The following DPP10 variants were observed in gnomAD, a reference collection of about 807,000 sequenced individuals.
DPP10 encodes inactive dipeptidyl peptidase 10.
DPP10 carries 33 observed loss-of-function variants against 120.9 expected under a neutral mutation model. The observed-to-expected ratio is 0.27, with a 90% CI of 0.21 to 0.37. DPP10 has a LOEUF of 0.37. DPP10 is among the 10% of genes least tolerant of loss of function. The pLI is 1.00. For missense variants in DPP10, 816 were observed against 942.8 expected (o/e 0.87, Z 1.76); for synonymous variants, 337 against 326.1 (o/e 1.03, Z -0.36).
At chr2:115,572,807 T>C (rs1277235583) in intron 5 of DPP10, among the ~76,000 whole-genome samples, 1 of 152,182 alleles carries the variant, frequency 6.6e-6, no homozygotes. Flanking sequence ...ATTATTTTTT[T>C]AACAACCCAA....
intron 13 of DPP10, among the ~76,000 whole-genome samples, chr2:115,768,641 T>G (rs1199266324): frequency 6.6e-6 from 1 of 152,148 alleles, no homozygotes; most frequent in Admixed American, 6.6e-5. Flanking sequence ...TCCTATGAAC[T>G]GAGGGCTTTG....
intron 1 of DPP10, among the ~76,000 whole-genome samples, chr2:115,098,719 C>T (rs896335974): frequency 1.3e-5 from 2 of 152,070 alleles, no homozygotes; most frequent in African/African-American, 4.8e-5. Flanking sequence ...CCTGGAAAAA[C>T]ACAAAAAGGA....
chr2:115,757,358 T>C (rs1679550035), intron 11 of DPP10, among the ~76,000 whole-genome samples: 1 of 152,050 alleles, frequency 6.6e-6, no homozygotes, highest in African/African-American at 2.4e-5. Context: ...TAAGGTTTAT[T>C]AGACTTACAG....
intron 8 of DPP10, among the ~76,000 whole-genome samples, chr2:115,729,813 AGAAGAGAGAG>A (rs1318212185): frequency 5.9e-4 from 2 of 3,368 alleles, no homozygotes; most frequent in African/African-American, 1.4e-3. Context: ...AGAGAGAGAG[AGAAGAGAGAG>A]AGAGCATCTG....
chr2:115,309,218 C>G (rs1478685638), intron 1 of DPP10, 21 bp from the exon 2 acceptor site: 1 of 1,596,870 alleles, frequency 6.3e-7, no homozygotes, highest in Non-Finnish European at 8.6e-7. Flanking sequence ...AATTACAAAA[C>G]TTTTTTTTCT....
At chr2:114,504,779 C>T (rs970108315) in intron 1 of DPP10, among the ~76,000 whole-genome samples, 7 of 152,168 alleles carry the variant, frequency 4.6e-5, no homozygotes, top group African/African-American at 1.2e-4. Context: ...GGTGGCTGGG[C>T]GTGGTGGCTC....
chr2:115,591,400 A>G (rs757058010), intron 5 of DPP10, among the ~76,000 whole-genome samples: 85 of 152,312 alleles, frequency 5.6e-4, no homozygotes, highest in Non-Finnish European at 1.1e-3. Context: ...AGCACCATTT[A>G]TTAAATAGGG....
At chr2:114,921,604 T>C (rs1203482328) in intron 1 of DPP10, among the ~76,000 whole-genome samples, 2 of 152,216 alleles carry the variant, frequency 1.3e-5, no homozygotes, top group Non-Finnish European at 2.9e-5. Flanking sequence ...GTAGAGAATA[T>C]GTAGTTTTAT....
At chr2:115,349,194 T>G (rs1196356751) in intron 3 of DPP10, among the ~76,000 whole-genome samples, 5 of 152,112 alleles carry the variant, frequency 3.3e-5, no homozygotes, top group Non-Finnish European at 7.4e-5. Context: ...TGGACTCATG[T>G]TGGAAAAAAA....
At chr2:115,776,520 G>C (rs577880604) in intron 13 of DPP10, among the ~76,000 whole-genome samples, 1 of 152,022 alleles carries the variant, frequency 6.6e-6, no homozygotes, top group Non-Finnish European at 1.5e-5. Flanking sequence ...ATCATTGATG[G>C]GTATTTGGGT....
At chr2:115,462,040 C>G (rs1434028126) in intron 3 of DPP10, among the ~76,000 whole-genome samples, 1 of 152,084 alleles carries the variant, frequency 6.6e-6, no homozygotes, top group Non-Finnish European at 1.5e-5. Flanking sequence ...TTACTATTTT[C>G]TTCTAAAGAA....
intron 1 of DPP10, among the ~76,000 whole-genome samples, chr2:115,251,600 C>T (rs113558441): frequency 0.054 from 8,242 of 152,030 alleles, 295 homozygotes; most frequent in Middle Eastern, 0.1. Context: ...GGGGCAAAAA[C>T]GAAAGAATTA....
intron 4 of DPP10, among the ~76,000 whole-genome samples, chr2:115,517,089 T>G (rs1324540911): frequency 6.6e-6 from 1 of 152,124 alleles, no homozygotes; most frequent in African/African-American, 2.4e-5. Context: ...TCACATGCCC[T>G]GTAATCTAAA....
At chr2:114,820,611 A>G (rs1326313744) in intron 1 of DPP10, among the ~76,000 whole-genome samples, 1 of 152,206 alleles carries the variant, frequency 6.6e-6, no homozygotes, top group Non-Finnish European at 1.5e-5. Context: ...TCCTGTTGGA[A>G]GGCACCACTT....
intron 3 of DPP10, among the ~76,000 whole-genome samples, chr2:115,359,137 C>T (rs1461992191): frequency 2.0e-5 from 3 of 152,094 alleles, no homozygotes; most frequent in African/African-American, 4.8e-5. Context: ...TTGCATTCAT[C>T]GTTAATAGTG....
intron 5 of DPP10, among the ~76,000 whole-genome samples, chr2:115,672,828 C>G (rs1487495699): frequency 2.0e-5 from 3 of 151,402 alleles, no homozygotes; most frequent in Non-Finnish European, 2.9e-5. Flanking sequence ...TTCACTGCAA[C>G]CTCCGCCACC....
At chr2:114,975,283 A>G (rs1699679266) in intron 1 of DPP10, among the ~76,000 whole-genome samples, 1 of 151,880 alleles carries the variant, frequency 6.6e-6, no homozygotes, top group Non-Finnish European at 1.5e-5. Flanking sequence ...TGACCTCATG[A>G]TCCACTCACC....
chr2:115,359,824 T>G (rs1404948997), intron 3 of DPP10, among the ~76,000 whole-genome samples: 2 of 152,096 alleles, frequency 1.3e-5, no homozygotes, highest in Non-Finnish European at 2.9e-5. Context: ...TTTTTTTAAT[T>G]TATATTTGTC....
chr2:114,517,886 G>C (rs1472683853), intron 1 of DPP10, among the ~76,000 whole-genome samples: 1 of 152,132 alleles, frequency 6.6e-6, no homozygotes. Flanking sequence ...GACCTCTGAG[G>C]TTTAGCTTCA....
Sources: gnomAD v4.1 joint callset for allele counts (sites outside exome capture counted in the v4.1 genomes callset) on GRCh38, gnomAD v4.1.1 for gene constraint, MANE v1.5 for transcripts, NCBI Gene and HGNC (gene_info 2026-07-23, HGNC 2026-07-21) for gene names.